Variants in MICU1 observed in about 807,000 individuals in gnomAD.
The protein encoded by MICU1 is mitochondrial calcium uptake 1.
A neutral mutation model predicts 56.8 loss-of-function variants in MICU1; 45 were observed. The observed-to-expected ratio is 0.79, with a 90% CI of 0.62 to 1.02. The LOEUF (loss-of-function observed/expected upper bound fraction) is 1.02, where lower values mean the gene tolerates loss of function less well. Among genes scored for constraint, MICU1 ranks in the 50% least tolerant of loss-of-function variants. The probability of loss-of-function intolerance (pLI) is 0.00; values close to 1 mark genes in which losing one functional copy is unlikely to be tolerated. For missense variants in MICU1, 504 were observed against 587.1 expected (o/e 0.86, Z 1.46); for synonymous variants, 186 against 195.1 (o/e 0.95, Z 0.39).
At chr10:72,369,949 C>G (rs1862274290) in intron 11 of MICU1, among the ~76,000 whole-genome samples, 1 of 110,844 alleles carries the variant, frequency 9.0e-6, no homozygotes, top group Non-Finnish European at 1.8e-5. Flanking sequence ...GGTGCGATCT[C>G]GGATCACTGC....
At chr10:72,442,525 G>C (rs1864970280) in intron 8 of MICU1, among the ~76,000 whole-genome samples, 1 of 152,086 alleles carries the variant, frequency 6.6e-6, no homozygotes, top group African/African-American at 2.4e-5. Flanking sequence ...TATTCCAAAG[G>C]AAAGTTTCAT....
intron 5 of MICU1, among the ~76,000 whole-genome samples, chr10:72,532,297 G>A (rs999271109): frequency 1.0e-4 from 15 of 150,698 alleles, no homozygotes; most frequent in Non-Finnish European, 5.9e-5. Flanking sequence ...CAGCCCAGGC[G>A]ACAGAGCGAG....
At chr10:72,562,681 C>G (rs1313609173) in intron 3 of MICU1, 2 of 383,828 alleles carry the variant, frequency 5.2e-6, no homozygotes, top group African/African-American at 4.2e-5. Flanking sequence ...AAAAAATATG[C>G]TAATCATGGT....
intron 8 of MICU1, among the ~76,000 whole-genome samples, chr10:72,460,483 G>A (rs533314492): frequency 2.0e-4 from 31 of 152,068 alleles, no homozygotes; most frequent in African/African-American, 5.6e-4. Flanking sequence ...ATTATGGGTG[G>A]GGAGGGAGAA....
chr10:72,419,211 C>T (rs989552065), intron 9 of MICU1, among the ~76,000 whole-genome samples: 3 of 152,150 alleles, frequency 2.0e-5, no homozygotes, highest in African/African-American at 4.8e-5. Flanking sequence ...TCTAAATAAA[C>T]GAGCATGTCT....
At chr10:72,412,196 A>G (rs1005768253) in intron 9 of MICU1, among the ~76,000 whole-genome samples, 1 of 152,226 alleles carries the variant, frequency 6.6e-6, no homozygotes, top group African/African-American at 2.4e-5. Flanking sequence ...GAGTAAGATG[A>G]TAACATGAGC....
chr10:72,389,319 T>C (rs1414059951), intron 10 of MICU1, among the ~76,000 whole-genome samples: 1 of 152,196 alleles, frequency 6.6e-6, no homozygotes, highest in Non-Finnish European at 1.5e-5. Flanking sequence ...ACTCAAAGAA[T>C]TTGAAAGCTG....
rs534809569 is a variant in MICU1, at chr10:72,380,943, G to A, written c.1181-5071C>T. 5.9e-5 allele frequency among the ~76,000 whole-genome samples: 9 copies of A among 152,318 alleles called. No homozygotes were observed. The East Asian group carries it at 7.7e-4, about 13-fold the overall frequency. ...CACCAGCATTAATTATAGGTTGGCC[G>A]TGGATCTGACTACCCCCTACAGTGG... On this transcript the variant is annotated intron_variant, in intron 10 of 11. Coordinates refer to ENST00000361114, the MANE Select transcript of MICU1 (RefSeq NM_001195518.2).
intron 1 of MICU1, among the ~76,000 whole-genome samples, chr10:72,618,233 C>T (rs1842027319): frequency 6.6e-6 from 1 of 151,150 alleles, no homozygotes; most frequent in Non-Finnish European, 1.5e-5. Flanking sequence ...TTTCTCTGAT[C>T]ACAAACACAT....
At chr10:72,574,640 T>TA (rs1470770197) in intron 1 of MICU1, among the ~76,000 whole-genome samples, 3 of 151,826 alleles carry the variant, frequency 2.0e-5, no homozygotes, top group Non-Finnish European at 4.4e-5. Context: ...TATGTCAGTC[T>TA]AAAAAAAAGA....
intron 4 of MICU1, among the ~76,000 whole-genome samples, chr10:72,536,254 C>G (rs949243075): frequency 6.7e-6 from 1 of 149,680 alleles, no homozygotes; most frequent in African/African-American, 2.4e-5. Flanking sequence ...TTACCCTTAT[C>G]TAATCACTAT....
chr10:72,620,156 T>G (rs1842070543), intron 1 of MICU1, among the ~76,000 whole-genome samples: 1 of 152,126 alleles, frequency 6.6e-6, no homozygotes, highest in Non-Finnish European at 1.5e-5. Flanking sequence ...AAATTAACTG[T>G]CCAAGCAAGG....
chr10:72,590,682 G>A (rs1589371776), intron 1 of MICU1, among the ~76,000 whole-genome samples: 1 of 152,116 alleles, frequency 6.6e-6, no homozygotes, highest in East Asian at 1.9e-4. Flanking sequence ...GCATGGTGGG[G>A]TGTGCCTGTA....
Position 72,597,126 on chromosome 10 carries a change from T to A in MICU1, c.-2+28884A>T, listed in dbSNP as rs544466635. 4.6e-5 allele frequency among the ~76,000 whole-genome samples: 7 copies of A among 152,280 alleles called. 1 individual carries two copies. The South Asian group carries it at 1.0e-3, about 23-fold the overall frequency. ...CCAAAAGTCTATTAATTTAAAAAAA[T>A]TTTATTTCACACTATATGGCATTTT... On this transcript the variant is annotated intron_variant, in intron 1 of 11. Coordinates refer to ENST00000361114, the MANE Select transcript of MICU1 (RefSeq NM_001195518.2).
chr10:72,395,611 G>T (rs998637762), intron 10 of MICU1, among the ~76,000 whole-genome samples: 2 of 152,210 alleles, frequency 1.3e-5, no homozygotes, highest in Non-Finnish European at 2.9e-5. Context: ...TTAGCAACCG[G>T]TAGGCAAGGT....
At chr10:72,482,304 A>C (rs1866324991) in intron 6 of MICU1, among the ~76,000 whole-genome samples, 1 of 152,240 alleles carries the variant, frequency 6.6e-6, no homozygotes, top group Non-Finnish European at 1.5e-5. Context: ...AAAAATGAAT[A>C]GGTTAGATTC....
chr10:72,590,622 G>T (rs1252576841), intron 1 of MICU1, among the ~76,000 whole-genome samples: 1 of 151,910 alleles, frequency 6.6e-6, no homozygotes, highest in Non-Finnish European at 1.5e-5. Context: ...CAGCCTCCTG[G>T]CCAGTGTGGT....
intron 10 of MICU1, among the ~76,000 whole-genome samples, chr10:72,405,728 A>G (rs1045468649): frequency 6.6e-6 from 1 of 152,210 alleles, no homozygotes; most frequent in African/African-American, 2.4e-5. Context: ...CCATATTAAA[A>G]GAATAAAGCA....
intron 1 of MICU1, among the ~76,000 whole-genome samples, chr10:72,568,040 C>T (rs909356311): frequency 1.3e-5 from 2 of 152,046 alleles, no homozygotes; most frequent in African/African-American, 2.4e-5. Flanking sequence ...AGGACTAATT[C>T]CATACTTCAA....
Sources: gnomAD v4.1 joint callset for allele counts (sites outside exome capture counted in the v4.1 genomes callset) on GRCh38, gnomAD v4.1.1 for gene constraint, MANE v1.5 for transcripts, NCBI Gene and HGNC (gene_info 2026-07-23, HGNC 2026-07-21) for gene names.